Variants in GPHN observed in about 807,000 individuals in gnomAD.
GPHN encodes gephyrin.
A neutral mutation model predicts 95.5 loss-of-function variants in GPHN; 17 were observed. That is an observed-to-expected ratio of 0.18 (90% CI 0.12 to 0.27). GPHN has a LOEUF of 0.27. GPHN is among the 10% of genes least tolerant of loss of function. The pLI, the probability that GPHN is intolerant of heterozygous loss-of-function variation, is 1.00. For synonymous variants in GPHN, 320 were observed against 322.5 expected, an observed-to-expected ratio of 0.99 and a Z score of 0.08; for missense variants, 660 against 978.1, an observed-to-expected ratio of 0.67 and a Z score of 4.34.
At chr14:67,180,042 G>T (rs1347892509) in intron 22 of GPHN, among the ~76,000 whole-genome samples, 1 of 152,194 alleles carries the variant, frequency 6.6e-6, no homozygotes, top group African/African-American at 2.4e-5. Flanking sequence ...AATGTGAGAT[G>T]AAAGCCCAAT....
chr14:66,642,117 G>GAT (rs1473396899), intron 1 of GPHN, among the ~76,000 whole-genome samples: 5 of 152,122 alleles, frequency 3.3e-5, no homozygotes, highest in Non-Finnish European at 7.4e-5. Flanking sequence ...GGCCTTCAAA[G>GAT]ATATCCAGCC....
chr14:66,971,823 TC>T (rs1180525225), intron 9 of GPHN, among the ~76,000 whole-genome samples: 1 of 152,110 alleles, frequency 6.6e-6, no homozygotes, highest in Non-Finnish European at 1.5e-5. Context: ...TATAAATTCT[TC>T]CAAAAGTTGA....
the GPHN span, among the ~76,000 whole-genome samples, chr14:67,477,949 C>A: frequency 1.3e-5 from 2 of 152,136 alleles, no homozygotes; most frequent in Non-Finnish European, 2.9e-5. Context: ...GAGGGCCTTG[C>A]CTGCCTGGTT....
the GPHN span, chr14:67,586,023 A>G: frequency 6.2e-7 from 1 of 1,613,874 alleles, no homozygotes. Flanking sequence ...CATGCTTGTG[A>G]TTAGATCTAT....
intron 2 of GPHN, among the ~76,000 whole-genome samples, chr14:66,730,933 G>A (rs2071709561): frequency 6.6e-6 from 1 of 152,166 alleles, no homozygotes; most frequent in South Asian, 2.1e-4. Flanking sequence ...CATGTGTCAA[G>A]GGATGGAGGT....
chr14:66,626,793 A>T (rs1263943539), intron 1 of GPHN, among the ~76,000 whole-genome samples: 1 of 152,084 alleles, frequency 6.6e-6, no homozygotes, highest in Non-Finnish European at 1.5e-5. Context: ...AATTTGAGGT[A>T]CTTGTAACTG....
chr14:67,289,435 C>T, the GPHN span, among the ~76,000 whole-genome samples: 1 of 152,034 alleles, frequency 6.6e-6, no homozygotes, highest in Non-Finnish European at 1.5e-5. Flanking sequence ...AATACTCCAC[C>T]ATTTTATATA....
At chr14:67,412,923 G>A in the GPHN span, among the ~76,000 whole-genome samples, 8 of 152,036 alleles carry the variant, frequency 5.3e-5, no homozygotes. Flanking sequence ...CACCATGCCT[G>A]GCTGGTTTAT....
intron 1 of GPHN, among the ~76,000 whole-genome samples, chr14:66,645,915 C>T (rs747027754): frequency 2.0e-5 from 3 of 151,976 alleles, no homozygotes; most frequent in Admixed American, 1.3e-4. Context: ...AGTCACTCTA[C>T]AAATATGCCA....
the GPHN span, among the ~76,000 whole-genome samples, chr14:67,604,854 G>A: frequency 2.0e-5 from 3 of 152,018 alleles, no homozygotes; most frequent in Non-Finnish European, 4.4e-5. Context: ...CCAGCAGCAC[G>A]TGTTGAAAAG....
the GPHN span, chr14:67,593,664 T>C: frequency 1.3e-6 from 1 of 796,650 alleles, no homozygotes; most frequent in Non-Finnish European, 2.2e-6. Flanking sequence ...TTTACGGTTT[T>C]AGTTTAAATC....
At chr14:66,858,610 G>C (rs769619182) in intron 4 of GPHN, among the ~76,000 whole-genome samples, 1 of 151,876 alleles carries the variant, frequency 6.6e-6, no homozygotes, top group African/African-American at 2.4e-5. Context: ...GATAGCTATC[G>C]TGAGAGACTC....
intron 1 of GPHN, among the ~76,000 whole-genome samples, chr14:66,669,335 G>A (rs2066163860): frequency 6.7e-6 from 1 of 148,706 alleles, no homozygotes; most frequent in African/African-American, 2.5e-5. Context: ...TTGCACTCCA[G>A]TCTGGGCAAC....
At chr14:66,673,194 G>A (rs898589871) in intron 1 of GPHN, among the ~76,000 whole-genome samples, 1 of 152,154 alleles carries the variant, frequency 6.6e-6, no homozygotes, top group Admixed American at 6.5e-5. Context: ...CTGGGTTCAA[G>A]CGATTCTCCT....
intron 12 of GPHN, among the ~76,000 whole-genome samples, chr14:67,092,843 G>A (rs2077198136): frequency 1.3e-5 from 2 of 152,162 alleles, no homozygotes; most frequent in South Asian, 4.2e-4. Context: ...AATCAATACA[G>A]TATTTTTATT....
chr14:67,303,456 TC>T, the GPHN span: 1 of 1,266,684 alleles, frequency 7.9e-7, no homozygotes, highest in Non-Finnish European at 1.2e-6. Flanking sequence ...GGAATATAGA[TC>T]ATAAAATCAT....
At chr14:67,633,451 G>A in the GPHN span, among the ~76,000 whole-genome samples, 2 of 152,118 alleles carry the variant, frequency 1.3e-5, no homozygotes, top group Non-Finnish European at 2.9e-5. Flanking sequence ...CCATTAACTT[G>A]TCTCCATGTG....
At chr14:67,584,201 C>T in the GPHN span, 7 of 1,460,100 alleles carry the variant, frequency 4.8e-6, no homozygotes, top group Middle Eastern at 4.9e-4. Flanking sequence ...TACCAATTTG[C>T]AGCCCCTACC....
chr14:66,594,591 T>C (rs928475148), intron 1 of GPHN, among the ~76,000 whole-genome samples: 1 of 152,112 alleles, frequency 6.6e-6, no homozygotes, highest in African/African-American at 2.4e-5. Context: ...CAATAAATGG[T>C]CGTAGGGAAA....
Sources: allele counts gnomAD v4.1 joint callset (sites outside exome capture counted in the v4.1 genomes callset), GRCh38; gene constraint gnomAD v4.1.1; transcripts MANE v1.5; gene names NCBI Gene and HGNC (gene_info 2026-07-23, HGNC 2026-07-21).